The following DST variants were observed in gnomAD, a reference collection of about 807,000 sequenced individuals.
DST encodes the protein bullous pemphigoid antigen.
DST carries 253 observed loss-of-function variants against 875.2 expected under a neutral mutation model. The ratio of observed to expected loss-of-function variants is 0.29; its 90% confidence interval spans 0.26 to 0.32. The LOEUF (loss-of-function observed/expected upper bound fraction) is 0.32. Ranked by LOEUF, DST falls within the 10% of genes least tolerant of loss-of-function variation. The pLI is 1.00. For missense variants in DST, 8,287 were observed against 9,111.6 expected, an observed-to-expected ratio of 0.91 and a Z score of 3.68; for synonymous variants, 3,124 against 3,197.1, an observed-to-expected ratio of 0.98 and a Z score of 0.77.
At chr6:56,599,552 G>A (rs2098423565) in intron 45 of DST, among the ~76,000 whole-genome samples, 1 of 152,018 alleles carries the variant, frequency 6.6e-6, no homozygotes, top group Non-Finnish European at 1.5e-5. Flanking sequence ...TATAGAGTCT[G>A]GAATCTGAAC....
At chr6:56,856,007 G>A (rs113405485) in intron 3 of DST, among the ~76,000 whole-genome samples, 3,707 of 152,196 alleles carry the variant, frequency 0.024, 141 homozygotes, top group African/African-American at 0.083. Context: ...ATTATTCAAG[G>A]ACCTACTATA....
At chr6:56,889,076 T>G (rs1422484239) in intron 3 of DST, among the ~76,000 whole-genome samples, 1 of 152,206 alleles carries the variant, frequency 6.6e-6, no homozygotes, top group Non-Finnish European at 1.5e-5. Context: ...TTGGAAGTTA[T>G]AAGCGATCCT....
intron 69 of DST, among the ~76,000 whole-genome samples, chr6:56,524,208 A>G (rs1016205242): frequency 6.6e-6 from 1 of 152,108 alleles, no homozygotes; most frequent in Non-Finnish European, 1.5e-5. Context: ...ATGAGTTTGG[A>G]AACTTATCTT....
At chr6:56,571,402 A>G (rs920401974) in intron 53 of DST, among the ~76,000 whole-genome samples, 3 of 152,244 alleles carry the variant, frequency 2.0e-5, no homozygotes, top group African/African-American at 7.2e-5. Context: ...TGAGAAGTAA[A>G]GGCAGCACTC....
chr6:56,659,577 T>C (rs1374016697), intron 10 of DST, among the ~76,000 whole-genome samples: 3 of 152,146 alleles, frequency 2.0e-5, no homozygotes, highest in Non-Finnish European at 4.4e-5. Context: ...CAAGAATAAG[T>C]GTTTTAATGA....
chr6:56,725,302 C>T (rs954641776), intron 5 of DST, among the ~76,000 whole-genome samples: 2 of 152,210 alleles, frequency 1.3e-5, no homozygotes, highest in Admixed American at 1.3e-4. Context: ...GCTTACTACC[C>T]TGTTGACCTT....
chr6:56,897,219 C>T (rs184060884), intron 3 of DST, among the ~76,000 whole-genome samples: 51 of 149,008 alleles, frequency 3.4e-4, no homozygotes, highest in Middle Eastern at 3.5e-3. Context: ...GAAGGGTGTC[C>T]TTTCCCTTAT....
intron 3 of DST, among the ~76,000 whole-genome samples, chr6:56,878,263 C>T (rs967144458): frequency 6.6e-6 from 1 of 152,120 alleles, no homozygotes; most frequent in Non-Finnish European, 1.5e-5. Flanking sequence ...ATATCCTATG[C>T]CTTAAACCAA....
intron 69 of DST, among the ~76,000 whole-genome samples, chr6:56,519,816 C>T (rs2096662495): frequency 6.6e-6 from 1 of 152,126 alleles, no homozygotes; most frequent in South Asian, 2.1e-4. Context: ...AGCTTAAGCT[C>T]TAACACTCAT....
intron 61 of DST, among the ~76,000 whole-genome samples, chr6:56,537,756 T>C (rs952879608): frequency 6.6e-6 from 1 of 152,186 alleles, no homozygotes; most frequent in Non-Finnish European, 1.5e-5. Flanking sequence ...CCCAGTTGCC[T>C]GTGACTGGCA....
At chr6:56,851,722 T>C (rs942162579) in intron 3 of DST, 118 bp from the exon 4 acceptor site, 1 of 1,552,460 alleles carries the variant, frequency 6.4e-7, no homozygotes, top group Admixed American at 2.0e-5. Context: ...GGGTCTGGCA[T>C]ATCCTGCACC....
chr6:56,572,613 G>T (rs1345567649), intron 52 of DST, 134 bp downstream of exon 52: 1 of 647,658 alleles, frequency 1.5e-6, no homozygotes, highest in African/African-American at 1.8e-5. Flanking sequence ...ATTCTTAAAG[G>T]AGTAAAACAT....
intron 4 of DST, among the ~76,000 whole-genome samples, chr6:56,742,576 T>C (rs370270360): frequency 6.6e-6 from 1 of 152,234 alleles, no homozygotes; most frequent in Admixed American, 6.5e-5. Flanking sequence ...TGTCTATTTC[T>C]TCTTTTCATT....
chr6:56,618,853 G>A, intron 36 of DST: 1 of 1,614,036 alleles, frequency 6.2e-7, no homozygotes, highest in Non-Finnish European at 8.5e-7. Flanking sequence ...GCTCCTCTAT[G>A]GTCTTTAAGT....
At chr6:56,572,687 T>A (rs554886173) in intron 52 of DST, 60 bp downstream of exon 52, 1 of 1,261,694 alleles carries the variant, frequency 7.9e-7, no homozygotes, top group African/African-American at 1.5e-5. Context: ...ACTAAGTATA[T>A]GAGTTTGCCC....
chr6:56,498,045 T>C lies in DST; in HGVS notation c.19905A>G (p.Gln6635=), dbSNP rs1290407525. ...TGGACTGATGGGCTAATACATCATT[T>C]TGGAGCACCTGAAAATATAAAGATA... ...EIELAKHHVL[Q]NDVLAHQSTV... Residue 6635 remains glutamine (Q), a synonymous_variant, in exon 81 of 104, where the codon CAA becomes CAG. Coordinates refer to ENST00000680361, the MANE Select transcript of DST (RefSeq NM_001374736.1). 3.7e-6 allele frequency: 6 copies of C among 1,611,360 alleles called. No individual in the cohort carries two copies. The African/African-American group carries it at 8.0e-5, about 22-fold the overall frequency.
intron 5 of DST, among the ~76,000 whole-genome samples, chr6:56,725,487 C>T (rs1489029036): frequency 2.6e-5 from 4 of 152,168 alleles, no homozygotes; most frequent in Non-Finnish European, 5.9e-5. Context: ...CAAGATGAAA[C>T]ATGAACACTC....
intron 93 of DST, among the ~76,000 whole-genome samples, 195 bp downstream of exon 93, chr6:56,473,678 C>G (rs1425819709): frequency 1.3e-5 from 2 of 152,048 alleles, no homozygotes; most frequent in Admixed American, 1.3e-4. Context: ...CGTATAGAAA[C>G]CTGGGTATAT....
At chr6:56,909,951 T>C (rs1592362942) in intron 2 of DST, among the ~76,000 whole-genome samples, 1 of 152,346 alleles carries the variant, frequency 6.6e-6, no homozygotes, top group South Asian at 2.1e-4. Flanking sequence ...GAAGTCACTT[T>C]GTCAGCCGGG....
Sources: gnomAD v4.1 joint callset for allele counts (sites outside exome capture counted in the v4.1 genomes callset) on GRCh38, gnomAD v4.1.1 for gene constraint, MANE v1.5 for transcripts, NCBI Gene and HGNC (gene_info 2026-07-23, HGNC 2026-07-21) for gene names.